SCTR: variants seen among roughly 807,000 people sequenced by gnomAD.
The protein encoded by SCTR is pancreatic secretin receptor.
In SCTR, 56 loss-of-function variants were observed where a neutral mutation model predicts 60.8. The ratio of observed to expected loss-of-function variants is 0.92; its 90% CI spans 0.74 to 1.15. The LOEUF (loss-of-function observed/expected upper bound fraction) is 1.15. Ranked by LOEUF, SCTR falls within the 50% of genes most tolerant of loss-of-function variation. The pLI is 0.00. For missense variants in SCTR, 562 were observed against 550.4 expected (o/e 1.02, Z -0.21); for synonymous variants, 202 against 217.0 (o/e 0.93, Z 0.61).
intron 4 of SCTR, among the ~76,000 whole-genome samples, chr2:119,466,142 G>C (rs762268187): frequency 9.2e-5 from 14 of 151,834 alleles, no homozygotes; most frequent in Non-Finnish European, 1.6e-4. Context: ...TTATGTATAG[G>C]GCCCCTTACC....
chr2:119,480,592 C>A (rs1677555046), intron 2 of SCTR: 1 of 152,248 alleles, frequency 6.6e-6, no homozygotes, highest in African/African-American at 2.4e-5. Context: ...GAGTCCCTCA[C>A]AAATTAAACA....
At chr2:119,517,183 G>T (rs62159776) in intron 1 of SCTR, among the ~76,000 whole-genome samples, 1 of 150,448 alleles carries the variant, frequency 6.6e-6, no homozygotes, top group Non-Finnish European at 1.5e-5. Context: ...TTTTTGAGAC[G>T]GAGTCTCACT....
chr2:119,507,453 C>G (rs1678777212), intron 1 of SCTR, among the ~76,000 whole-genome samples: 1 of 152,088 alleles, frequency 6.6e-6, no homozygotes, highest in Non-Finnish European at 1.5e-5. Context: ...ACTAAGTGAA[C>G]ATGTCAACAG....
intron 2 of SCTR, among the ~76,000 whole-genome samples, chr2:119,491,222 C>T (rs1224420125): frequency 1.3e-5 from 2 of 152,172 alleles, no homozygotes; most frequent in African/African-American, 2.4e-5. Context: ...ATAATGCAGA[C>T]GGTAACACTC....
chr2:119,508,399 T>TC (rs1678826095), intron 1 of SCTR, among the ~76,000 whole-genome samples: 1 of 140,256 alleles, frequency 7.1e-6, no homozygotes, highest in Non-Finnish European at 1.5e-5. Flanking sequence ...TTTTTTTTTT[T>TC]TTTTTTTTTG....
At chr2:119,518,882 C>T (rs1679193494) in intron 1 of SCTR, among the ~76,000 whole-genome samples, 1 of 152,128 alleles carries the variant, frequency 6.6e-6, no homozygotes, top group African/African-American at 2.4e-5. Flanking sequence ...CTGGGGACTT[C>T]CCAACCTGGG....
intron 11 of SCTR, among the ~76,000 whole-genome samples, chr2:119,445,712 A>G (rs17015893): frequency 0.018 from 2,766 of 152,284 alleles, 77 homozygotes; most frequent in African/African-American, 0.064. Context: ...TAGAGCCTAT[A>G]ATCACTGGCT....
intron 2 of SCTR, among the ~76,000 whole-genome samples, chr2:119,489,253 G>T (rs1044990682): frequency 1.1e-4 from 17 of 152,200 alleles, no homozygotes; most frequent in African/African-American, 3.4e-4. Flanking sequence ...TTTGTGACAA[G>T]TTGGGCAGCT....
At chr2:119,502,850 A>AG (rs1395235166) in intron 1 of SCTR, among the ~76,000 whole-genome samples, 1 of 151,564 alleles carries the variant, frequency 6.6e-6, no homozygotes, top group Non-Finnish European at 1.5e-5. Flanking sequence ...AAGAAAGAAA[A>AG]GAAAAAAGAA....
chr2:119,448,914 C>G (rs967140083), intron 9 of SCTR, 134 bp from the exon 10 acceptor site: 3 of 620,496 alleles, frequency 4.8e-6, no homozygotes, highest in Non-Finnish European at 5.8e-6. Context: ...CCAGTGCTGC[C>G]GCTCCTCTCC....
At chr2:119,443,609 C>T (rs180930511) in intron 11 of SCTR, among the ~76,000 whole-genome samples, 4 of 152,176 alleles carry the variant, frequency 2.6e-5, no homozygotes, top group Admixed American at 2.0e-4. Flanking sequence ...TGCAGTGGCG[C>T]GATCTCGGCT....
At chr2:119,453,471 C>G in intron 7 of SCTR, 124 bp from the exon 8 acceptor site, 1 of 738,948 alleles carries the variant, frequency 1.4e-6, no homozygotes, top group Non-Finnish European at 2.4e-6. Context: ...TTGGTTTCCA[C>G]AGAAACCCCT....
chr2:119,487,906 C>T (rs956223877), intron 2 of SCTR, among the ~76,000 whole-genome samples: 33 of 152,198 alleles, frequency 2.2e-4, no homozygotes, highest in African/African-American at 7.7e-4. Context: ...CCCAGCAGCC[C>T]CTCCCCCCAC....
intron 5 of SCTR, among the ~76,000 whole-genome samples, chr2:119,465,025 C>T (rs1683772699): frequency 6.6e-6 from 1 of 152,214 alleles, no homozygotes; most frequent in African/African-American, 2.4e-5. Context: ...GTACCGGAAA[C>T]AGGCTTTCTT....
intron 5 of SCTR, 133 bp from the exon 6 acceptor site, chr2:119,464,388 G>A (rs1018797090): frequency 3.3e-5 from 27 of 817,886 alleles, no homozygotes; most frequent in Non-Finnish European, 2.4e-5. Flanking sequence ...CACATTCTGT[G>A]AGCATAACCT....
chr2:119,464,184 T>G lies in SCTR; in HGVS notation c.575A>C (p.Asn192Thr). The change falls in exon 6 of 13, where the codon AAC (asparagine) becomes ACC (threonine). Residue 192 changes from asparagine to threonine, a missense_variant. Transcript: ENST00000019103. Reference protein sequence around the residue: ...FVSFILRALSNFIKDAVLFSS... With the variant: ...FVSFILRALSTFIKDAVLFSS... ...GAAGAGCACGGCGTCCTTGATGAAG[T>G]TGGACAGGGCACGAAGGATGAAGGA... is the stretch of plus-strand genomic sequence containing the variant. The G allele has an allele frequency of 6.2e-7, 1 of 1,614,098 alleles. No individual in the cohort carries two copies. Among genetic ancestry groups the G allele is most frequent in the Non-Finnish European group, 8.5e-7 (1 of 1,179,998 alleles).
chr2:119,447,178 T>G (rs990025621), intron 10 of SCTR, among the ~76,000 whole-genome samples: 3 of 152,056 alleles, frequency 2.0e-5, no homozygotes, highest in Non-Finnish European at 4.4e-5. Context: ...TATTTATAAA[T>G]TACGTGCCTA....
chr2:119,461,711 CAAAAAAAA>C (rs539293803), intron 7 of SCTR, 128 bp downstream of exon 7: 13 of 294,420 alleles, frequency 4.4e-5, no homozygotes, highest in South Asian at 7.3e-5. Flanking sequence ...AACTCCAACT[CAAAAAAAA>C]AAAAAAAAAA....
chr2:119,511,596 G>A (rs998898994), intron 1 of SCTR, among the ~76,000 whole-genome samples: 1 of 152,028 alleles, frequency 6.6e-6, no homozygotes. Flanking sequence ...CAGTCCTATT[G>A]GTTTTTCCTC....
Sources: allele counts gnomAD v4.1 joint callset (sites outside exome capture counted in the v4.1 genomes callset), GRCh38; gene constraint gnomAD v4.1.1; transcripts MANE v1.5; gene names NCBI Gene and HGNC (gene_info 2026-07-23, HGNC 2026-07-21).